RAI14: variants seen among roughly 807,000 people sequenced by gnomAD.
RAI14 encodes the protein ankycorbin.
Under a neutral mutation model 115.4 loss-of-function variants are expected in RAI14, and 45 were observed. That is an observed-to-expected ratio of 0.39 (90% CI 0.31 to 0.50). RAI14 has a LOEUF of 0.50. Ranked by LOEUF, RAI14 falls within the 20% of genes least tolerant of loss-of-function variation. The pLI, the probability that RAI14 is intolerant of heterozygous loss-of-function variation, is 0.85. For synonymous variants in RAI14, 371 were observed against 415.4 expected (o/e 0.89, Z 1.30); for missense variants, 939 against 1,131.2 (o/e 0.83, Z 2.44).
chr5:34,807,886 TCTGC>T (rs751697579), intron 6 of RAI14, 29 bp downstream of exon 6: 2 of 1,576,244 alleles, frequency 1.3e-6, no homozygotes, highest in African/African-American at 2.7e-5. Flanking sequence ...TTTGTCTTCT[TCTGC>T]CATTAGAAAC....
At chr5:34,719,653 T>G (rs1742428437) in intron 2 of RAI14, among the ~76,000 whole-genome samples, 1 of 152,164 alleles carries the variant, frequency 6.6e-6, no homozygotes, top group African/African-American at 2.4e-5. Flanking sequence ...ACCTGAAATA[T>G]AGTATCTGAA....
intron 1 of RAI14, among the ~76,000 whole-genome samples, chr5:34,682,269 GA>G: frequency 6.6e-6 from 1 of 151,986 alleles, no homozygotes; most frequent in South Asian, 2.1e-4. Flanking sequence ...TTCACCTCCT[GA>G]AAGTGTACAA....
At chr5:34,693,034 G>A (rs1738823325) in intron 2 of RAI14, among the ~76,000 whole-genome samples, 1 of 152,096 alleles carries the variant, frequency 6.6e-6, no homozygotes, top group Non-Finnish European at 1.5e-5. Context: ...TCATCTTCAG[G>A]TGGCATTCTC....
At chr5:34,796,815 A>C (rs1338732794) in intron 4 of RAI14, among the ~76,000 whole-genome samples, 3 of 152,102 alleles carry the variant, frequency 2.0e-5, no homozygotes, top group Non-Finnish European at 4.4e-5. Context: ...AGAAGAATAA[A>C]CAGTACACAC....
Position 34,741,378 on chromosome 5 carries a change from C to T in RAI14, c.37-16090C>T, listed in dbSNP as rs757362571. Among the ~76,000 whole-genome samples, 26 of 152,340 alleles carry T rather than the reference C, an allele frequency of 1.7e-4. No individual in the cohort carries two copies. In the East Asian group the frequency reaches 2.3e-3, roughly 14 times the overall value. ...AACTCAGGAACCCAGAATCCAGGCTCTTAGCCCTACACTGTTCCCCTCTCT... is the reference window on the plus strand; with the variant it reads ...AACTCAGGAACCCAGAATCCAGGCTTTTAGCCCTACACTGTTCCCCTCTCT... On this transcript the variant is annotated intron_variant, in intron 2 of 17. Transcript: ENST00000265109.
rs1757436176 is a variant in RAI14 at position 34,826,270 on chromosome 5, A to G, written c.2650-60A>G. 2.6e-6 allele frequency: 4 copies of G among 1,514,552 alleles called. 1 individual carries two copies. Among genetic ancestry groups the G allele is most frequent in the South Asian group, 2.6e-5 (2 of 78,374 alleles). 93.8% of individuals were successfully genotyped at this position (1,514,552 alleles called of 1,614,324 possible). A position where few individuals can be genotyped will look rare whatever the true frequency, so the allele number is the denominator to read the frequency against. ...GACTATGTTTGAGGCTTACAAATAT[A>G]TGAAATTTTGCTTTGTAGACATGTT... On this transcript the variant is annotated intron_variant, in intron 15 of 17. Coordinates refer to ENST00000265109, the MANE Select transcript of RAI14 (RefSeq NM_015577.3).
intron 2 of RAI14, among the ~76,000 whole-genome samples, chr5:34,737,722 G>A (rs938390727): frequency 4.6e-5 from 7 of 152,136 alleles, no homozygotes; most frequent in African/African-American, 1.7e-4. Flanking sequence ...GCCCACCACT[G>A]CACTCCAGCC....
intron 1 of RAI14, chr5:34,685,026 T>TG (rs1290167125): frequency 6.6e-6 from 1 of 151,740 alleles, no homozygotes; most frequent in African/African-American, 2.4e-5. Context: ...TTTCATTTTT[T>TG]TTTAGCTACA....
In RAI14 at chr5:34,823,182, G is replaced by A; in HGVS notation, c.1340G>A (p.Ser447Asn). Reference protein sequence around the residue: ...ILQDLQKRLESSEAERKQLQV... With the variant: ...ILQDLQKRLENSEAERKQLQV... Reference sequence around the variant, plus strand: ...CAAGATCTACAGAAGAGATTAGAGAGCTCTGAAGCAGAGAGAAAACAGCTA... The same window carrying A: ...CAAGATCTACAGAAGAGATTAGAGAACTCTGAAGCAGAGAGAAAACAGCTA... Residue 447 changes from serine (S) to asparagine (N), a missense_variant, in exon 15 of 18, where the codon AGC becomes AAC. Physicochemically the swap from Ser to Asn is conservative, Grantham distance 46. Coordinates refer to ENST00000265109, the MANE Select transcript of RAI14 (RefSeq NM_015577.3). The surrounding 1 kb of genome is among the most constrained non-coding windows in gnomAD (Gnocchi z 4.5). The A allele has an allele frequency of 1.2e-6, 2 of 1,613,798 alleles. No individual in the cohort carries two copies. The highest frequency in any genetic ancestry group is 1.7e-6 in the Non-Finnish European group (2 of 1,179,674).
At chr5:34,658,717 G>A (rs2149836187) in intron 1 of RAI14, among the ~76,000 whole-genome samples, 1 of 152,240 alleles carries the variant, frequency 6.6e-6, no homozygotes, top group Non-Finnish European at 1.5e-5. Context: ...AGAATCGCTT[G>A]AACCCGGGAG....
intron 2 of RAI14, among the ~76,000 whole-genome samples, chr5:34,691,398 A>T (rs763311024): frequency 6.6e-6 from 1 of 152,160 alleles, no homozygotes; most frequent in Non-Finnish European, 1.5e-5. Flanking sequence ...AGTCATCATT[A>T]TTTGTATCTT....
chr5:34,666,162 G>A (rs1743193636), intron 1 of RAI14, among the ~76,000 whole-genome samples: 1 of 152,170 alleles, frequency 6.6e-6, no homozygotes, highest in Non-Finnish European at 1.5e-5. Context: ...GAATGGAGAT[G>A]TCCCAGGCCC....
chr5:34,724,084 T>A (rs1204436091), intron 2 of RAI14, among the ~76,000 whole-genome samples: 1 of 152,202 alleles, frequency 6.6e-6, no homozygotes, highest in African/African-American at 2.4e-5. Context: ...TGGCGCAATC[T>A]CGGCTCACTG....
intron 3 of RAI14, among the ~76,000 whole-genome samples, chr5:34,771,486 C>T (rs1043541339): frequency 2.6e-5 from 4 of 152,128 alleles, no homozygotes; most frequent in Non-Finnish European, 4.4e-5. Context: ...TATTTCCTCC[C>T]AATATCTATT....
chr5:34,813,626 G>A lies in RAI14; in HGVS notation c.818G>A (p.Arg273His), dbSNP rs759801228. 8.1e-6 allele frequency: 13 copies of A among 1,613,258 alleles called. No individual in the cohort carries two copies. The highest frequency in any genetic ancestry group is 1.3e-5 in the African/African-American group (1 of 74,968). Reference sequence around the variant, plus strand: ...GAAAGAAGTGGAACTCCAAAAAAACGCAAAGCTCCACCACCTCCTATCAGT... The same window carrying A: ...GAAAGAAGTGGAACTCCAAAAAAACACAAAGCTCCACCACCTCCTATCAGT... ...SSERSGTPKK[R>H]KAPPPPISPT... The change falls in exon 11 of 18, where the codon CGC becomes CAC. Residue 273 changes from arginine to histidine, a missense_variant. By Grantham distance (29) the Arg-to-His change is conservative (BLOSUM62 0). Coordinates refer to ENST00000265109, the MANE Select transcript of RAI14 (RefSeq NM_015577.3).
At chr5:34,797,437 T>TA (rs1373137379) in intron 4 of RAI14, among the ~76,000 whole-genome samples, 1 of 122,788 alleles carries the variant, frequency 8.1e-6, no homozygotes, top group East Asian at 2.3e-4. Context: ...CCTTTGAGAA[T>TA]AGGGTTTTTT....
At chr5:34,776,454 T>C (rs1750846384) in intron 3 of RAI14, among the ~76,000 whole-genome samples, 1 of 152,146 alleles carries the variant, frequency 6.6e-6, no homozygotes, top group African/African-American at 2.4e-5. Context: ...GGATAAATGC[T>C]TGAAGTGGAG....
At chr5:34,689,738 G>A (rs1738334672) in intron 2 of RAI14, among the ~76,000 whole-genome samples, 1 of 152,108 alleles carries the variant, frequency 6.6e-6, no homozygotes, top group Admixed American at 6.5e-5. Flanking sequence ...CGGGTGTGGT[G>A]GTGCATGCCT....
chr5:34,765,059 G>A (rs11957242), intron 3 of RAI14, among the ~76,000 whole-genome samples: 41,319 of 152,014 alleles, frequency 0.27, 6,325 homozygotes, highest in Middle Eastern at 0.35. Flanking sequence ...TTCTCTTGCC[G>A]TTGCTATGTA....
Sources: allele counts gnomAD v4.1 joint callset (sites outside exome capture counted in the v4.1 genomes callset), GRCh38; gene constraint gnomAD v4.1.1; non-coding constraint Gnocchi (gnomAD v3.1); transcripts MANE v1.5; gene names NCBI Gene and HGNC (gene_info 2026-07-23, HGNC 2026-07-21).